Variants in CNTNAP2 observed in about 807,000 individuals in gnomAD.
CNTNAP2 encodes contactin associated protein 2.
A neutral mutation model predicts 155.2 loss-of-function variants in CNTNAP2; 98 were observed. That is an observed-to-expected ratio of 0.63 (90% CI 0.54 to 0.75). CNTNAP2 has a LOEUF of 0.75. Ranked by LOEUF, CNTNAP2 falls within the 30% of genes least tolerant of loss-of-function variation. CNTNAP2 has a pLI of 0.00. For synonymous variants in CNTNAP2, 651 were observed against 631.2 expected (o/e 1.03, Z -0.47); for missense variants, 1,727 against 1,688.1 (o/e 1.02, Z -0.40).
In CNTNAP2 at chr7:146,753,370, T is replaced by TA. The variant is rs74617145; in HGVS notation, c.98-20891dup. ...TATGTTTTTGCAAATTCCATGTAAT[T>TA]AAAAAAAAAATGTAAGAATGGTCAA... On this transcript the variant is annotated intron_variant, in intron 1 of 23. Transcript: ENST00000361727. Among the ~76,000 whole-genome samples, 264 of 149,838 alleles carry TA rather than the reference T, an allele frequency of 1.8e-3. 1 individual carries two copies. Among genetic ancestry groups the TA allele is most frequent in the African/African-American group, 5.0e-3 (205 of 41,026 alleles).
At chr7:146,709,847 A>G (rs941987982) in intron 1 of CNTNAP2, among the ~76,000 whole-genome samples, 1 of 152,186 alleles carries the variant, frequency 6.6e-6, no homozygotes, top group Non-Finnish European at 1.5e-5. Flanking sequence ...CAAGTTTTGC[A>G]TGCCCATGCT....
intron 8 of CNTNAP2, among the ~76,000 whole-genome samples, chr7:147,187,651 A>C (rs1802594364): frequency 6.6e-6 from 1 of 152,160 alleles, no homozygotes; most frequent in Non-Finnish European, 1.5e-5. Context: ...TGCCTATTGG[A>C]TACTCTGCTC....
chr7:147,290,197 T>C (rs891352551), intron 8 of CNTNAP2, among the ~76,000 whole-genome samples: 2 of 152,212 alleles, frequency 1.3e-5, no homozygotes, highest in African/African-American at 4.8e-5. Flanking sequence ...CTGTATTTAA[T>C]ATTTATCATT....
chr7:147,309,903 C>G (rs1563155168), intron 9 of CNTNAP2, among the ~76,000 whole-genome samples: 1 of 151,854 alleles, frequency 6.6e-6, no homozygotes, highest in Non-Finnish European at 1.5e-5. Context: ...CCATCACTTT[C>G]TATTATGAGA....
intron 1 of CNTNAP2, among the ~76,000 whole-genome samples, chr7:146,553,694 A>G (rs1798154212): frequency 6.6e-6 from 1 of 152,170 alleles, no homozygotes; most frequent in Non-Finnish European, 1.5e-5. Context: ...AAAGATTACT[A>G]TGCAAATATA....
At chr7:147,732,976 G>T (rs12533635) in intron 13 of CNTNAP2, among the ~76,000 whole-genome samples, 2 of 152,098 alleles carry the variant, frequency 1.3e-5, no homozygotes, top group East Asian at 1.9e-4. Context: ...TTCTCCCATT[G>T]TGTAGGTTGC....
At position 147,077,804 on chromosome 7, in the gene CNTNAP2, A is replaced by T. The variant is rs1548743; in HGVS notation, c.551-30343A>T. Among the ~76,000 whole-genome samples the T allele has an allele frequency of 4.6e-5, 7 of 151,948 alleles. No homozygotes were observed. In the East Asian group the frequency reaches 5.8e-4, roughly 13 times the overall value. Reference sequence around the variant, plus strand: ...ATAGGGTGATTATGAGGATTGCATCAGGTAACTTTGTAAAGGTTCTGGAAC... The same window carrying T: ...ATAGGGTGATTATGAGGATTGCATCTGGTAACTTTGTAAAGGTTCTGGAAC... On this transcript the variant is annotated intron_variant, in intron 4 of 23. Coordinates refer to ENST00000361727, the MANE Select transcript of CNTNAP2 (RefSeq NM_014141.6).
At chr7:147,716,984 T>C (rs557440372) in intron 13 of CNTNAP2, among the ~76,000 whole-genome samples, 2 of 152,172 alleles carry the variant, frequency 1.3e-5, no homozygotes, top group East Asian at 3.9e-4. Flanking sequence ...GCAAGTAGAT[T>C]GGGAGCTACA....
chr7:147,756,782 AT>A (rs1797219012), intron 13 of CNTNAP2, among the ~76,000 whole-genome samples: 1 of 152,200 alleles, frequency 6.6e-6, no homozygotes, highest in Non-Finnish European at 1.5e-5. Flanking sequence ...TTTCAGGGCA[AT>A]TCCATCAAAT....
intron 18 of CNTNAP2, among the ~76,000 whole-genome samples, chr7:148,191,052 T>C (rs1244756029): frequency 3.3e-5 from 5 of 152,188 alleles, no homozygotes; most frequent in Admixed American, 3.3e-4. Context: ...CTTTAGTCTC[T>C]TTGGGCTGTG....
At chr7:147,176,735 G>GAATTATATATTATATATAATAT (rs1563103856) in intron 8 of CNTNAP2, among the ~76,000 whole-genome samples, 7 of 92,894 alleles carry the variant, frequency 7.5e-5, no homozygotes, top group African/African-American at 2.6e-4. Context: ...ATATATAATA[G>GAATTATATATTATATATAATAT]AATTATAATT....
At chr7:147,659,117 A>T (rs2116950555) in intron 13 of CNTNAP2, among the ~76,000 whole-genome samples, 1 of 152,340 alleles carries the variant, frequency 6.6e-6, no homozygotes, top group African/African-American at 2.4e-5. Flanking sequence ...TTCCTTTCCA[A>T]AGAGTAGAAA....
chr7:148,385,746 T>TGTTTGTTTGTTTGTTTGTTTG (rs1167243164), intron 22 of CNTNAP2, among the ~76,000 whole-genome samples: 85 of 103,820 alleles, frequency 8.2e-4, no homozygotes, highest in African/African-American at 3.0e-3. Context: ...GTTTTTTTTT[T>TGTTTGTTTGTTTGTTTGTTTG]TTTTTTTTTT....
chr7:146,870,404 AT>A (rs1795282496), intron 3 of CNTNAP2, among the ~76,000 whole-genome samples: 1 of 151,778 alleles, frequency 6.6e-6, no homozygotes, highest in African/African-American at 2.4e-5. Flanking sequence ...GGTTGTTTTT[AT>A]TTCTGTGAGA....
intron 10 of CNTNAP2, among the ~76,000 whole-genome samples, chr7:147,484,171 T>C (rs1201187809): frequency 6.6e-6 from 1 of 152,172 alleles, no homozygotes; most frequent in Non-Finnish European, 1.5e-5. Flanking sequence ...AGATGAAACA[T>C]CTTTGTAGCC....
chr7:147,041,266 A>G (rs764149507), intron 3 of CNTNAP2, among the ~76,000 whole-genome samples: 1 of 151,918 alleles, frequency 6.6e-6, no homozygotes, highest in Non-Finnish European at 1.5e-5. Context: ...GTATTCCTGA[A>G]CACCCTTGGT....
chr7:147,346,147 T>A (rs201090616), intron 9 of CNTNAP2, among the ~76,000 whole-genome samples: 4 of 36,662 alleles, frequency 1.1e-4, no homozygotes, highest in Non-Finnish European at 1.8e-4. Flanking sequence ...TATTTTATTT[T>A]ATTTTATTTT....
At chr7:146,161,787 C>T (rs1798226539) in intron 1 of CNTNAP2, among the ~76,000 whole-genome samples, 2 of 152,284 alleles carry the variant, frequency 1.3e-5, no homozygotes, top group East Asian at 1.9e-4. Context: ...GTAACCAAAA[C>T]AGCATGGTAC....
At chr7:147,686,315 G>A (rs1796017189) in intron 13 of CNTNAP2, among the ~76,000 whole-genome samples, 1 of 152,002 alleles carries the variant, frequency 6.6e-6, no homozygotes, top group South Asian at 2.1e-4. Context: ...CATTTATTAA[G>A]ATACAAAAGA....
Sources: gnomAD v4.1 joint callset for allele counts (sites outside exome capture counted in the v4.1 genomes callset) on GRCh38, gnomAD v4.1.1 for gene constraint, MANE v1.5 for transcripts, NCBI Gene and HGNC (gene_info 2026-07-23, HGNC 2026-07-21) for gene names.